The following GNAQ variants were observed in gnomAD, a reference collection of about 807,000 sequenced individuals.
GNAQ encodes guanine nucleotide-binding protein G(q) subunit alpha.
In GNAQ, 8 loss-of-function variants were observed where a neutral mutation model predicts 43.9. The observed-to-expected ratio is 0.18, with a 90% CI of 0.11 to 0.33. The LOEUF is 0.33. Among genes scored for constraint, GNAQ ranks in the 10% least tolerant of loss-of-function variants. GNAQ has a pLI of 1.00. For synonymous variants in GNAQ, 155 were observed against 170.7 expected (o/e 0.91, Z 0.71); for missense variants, 158 against 450.8 (o/e 0.35, Z 5.88).
chr9:77,874,829 C>T (rs974937359), intron 2 of GNAQ, among the ~76,000 whole-genome samples: 1 of 151,998 alleles, frequency 6.6e-6, no homozygotes, highest in Admixed American at 6.6e-5. Flanking sequence ...CCATGTTGGA[C>T]AGGCTAGTCT....
chr9:77,763,843 A>G (rs1826093112), intron 5 of GNAQ, among the ~76,000 whole-genome samples: 1 of 152,226 alleles, frequency 6.6e-6, no homozygotes, highest in Non-Finnish European at 1.5e-5. Flanking sequence ...TCTGTAAATG[A>G]TTAGCATGGC....
rs538496263 is a variant in GNAQ at position 77,755,288 on chromosome 9, C to G, written c.736-26621G>C. ...GGTACAAAAATATAGTTAGATAAAACGAATAAGATCTAGTATTTGATAGCA... is the reference window on the plus strand; with the variant it reads ...GGTACAAAAATATAGTTAGATAAAAGGAATAAGATCTAGTATTTGATAGCA... On this transcript the variant is annotated intron_variant, in intron 5 of 6. Coordinates refer to ENST00000286548, the MANE Select transcript of GNAQ (RefSeq NM_002072.5). Among the ~76,000 whole-genome samples, 3 of 151,858 alleles carry G rather than the reference C, an allele frequency of 2.0e-5. No individual in the cohort carries two copies. In the South Asian group the frequency reaches 6.2e-4, roughly 32 times the overall value.
intron 1 of GNAQ, among the ~76,000 whole-genome samples, chr9:77,951,183 C>T (rs1822971431): frequency 1.3e-5 from 2 of 149,588 alleles, no homozygotes; most frequent in Admixed American, 1.3e-4. Context: ...CTGCAACCTC[C>T]ACCTCCTGGG....
intron 5 of GNAQ, among the ~76,000 whole-genome samples, chr9:77,779,598 GA>G (rs1315924501): frequency 7.6e-6 from 1 of 131,048 alleles, no homozygotes; most frequent in African/African-American, 2.9e-5. Flanking sequence ...GAAATCAACA[GA>G]AGAAAATGAA....
chr9:77,937,617 G>T (rs1829250303), intron 1 of GNAQ, among the ~76,000 whole-genome samples: 1 of 151,850 alleles, frequency 6.6e-6, no homozygotes, highest in Non-Finnish European at 1.5e-5. Context: ...GCTTGGCCGG[G>T]CACAGTGGCT....
intron 6 of GNAQ, among the ~76,000 whole-genome samples, chr9:77,723,523 T>A (rs115457851): frequency 0.012 from 1,884 of 152,236 alleles, 40 homozygotes; most frequent in African/African-American, 0.042. Context: ...ACAATCCAAG[T>A]GTCCATCAAC....
At chr9:77,949,089 A>T in intron 1 of GNAQ, among the ~76,000 whole-genome samples, 1 of 152,192 alleles carries the variant, frequency 6.6e-6, no homozygotes, top group East Asian at 1.9e-4. Context: ...ACAGACAGAA[A>T]ATTCATATTA....
intron 5 of GNAQ, among the ~76,000 whole-genome samples, chr9:77,736,205 C>T (rs145946201): frequency 5.9e-5 from 9 of 152,274 alleles, no homozygotes; most frequent in Admixed American, 5.9e-4. Context: ...AATGTTTCTT[C>T]CTAAGATTCT....
chr9:77,892,444 G>A (rs1479401816), intron 2 of GNAQ, among the ~76,000 whole-genome samples: 1 of 152,134 alleles, frequency 6.6e-6, no homozygotes, highest in Non-Finnish European at 1.5e-5. Context: ...GTTCAATACT[G>A]GTTTCTATCA....
chr9:77,830,793 T>C (rs1196633518), intron 2 of GNAQ, among the ~76,000 whole-genome samples: 1 of 152,100 alleles, frequency 6.6e-6, no homozygotes, highest in African/African-American at 2.4e-5. Flanking sequence ...TATGTTTCCA[T>C]TGTGGTATGA....
chr9:77,755,303 A>G (rs1401188216), intron 5 of GNAQ, among the ~76,000 whole-genome samples: 3 of 152,216 alleles, frequency 2.0e-5, no homozygotes, highest in Non-Finnish European at 2.9e-5. Context: ...AAGATCTAGT[A>G]TTTGATAGCA....
intron 5 of GNAQ, among the ~76,000 whole-genome samples, chr9:77,736,420 T>C (rs1027586440): frequency 6.6e-6 from 1 of 152,176 alleles, no homozygotes; most frequent in African/African-American, 2.4e-5. Context: ...CTCAGCTGAA[T>C]AGATATTATT....
At chr9:77,729,622 G>T (rs1825454811) in intron 5 of GNAQ, among the ~76,000 whole-genome samples, 1 of 152,148 alleles carries the variant, frequency 6.6e-6, no homozygotes, top group African/African-American at 2.4e-5. Flanking sequence ...GGTTACAGAT[G>T]AAGGCAGCAG....
intron 2 of GNAQ, among the ~76,000 whole-genome samples, chr9:77,894,249 T>G (rs370753738): frequency 8.6e-6 from 1 of 116,158 alleles, no homozygotes; most frequent in Non-Finnish European, 1.9e-5. Flanking sequence ...ATTTTAAATG[T>G]TTCATTTAAG....
chr9:77,828,810 G>A (rs1429597100), intron 2 of GNAQ, among the ~76,000 whole-genome samples: 1 of 152,182 alleles, frequency 6.6e-6, no homozygotes, highest in African/African-American at 2.4e-5. Context: ...TATGGTCTAG[G>A]ACCAGTCTCT....
chr9:77,742,833 G>A (rs1300070460), intron 5 of GNAQ, among the ~76,000 whole-genome samples: 1 of 152,154 alleles, frequency 6.6e-6, no homozygotes, highest in Non-Finnish European at 1.5e-5. Context: ...AGACCTGAGG[G>A]AAAACCTGGA....
chr9:77,758,550 T>C (rs1825939113), intron 5 of GNAQ, among the ~76,000 whole-genome samples: 1 of 152,190 alleles, frequency 6.6e-6, no homozygotes, highest in Non-Finnish European at 1.5e-5. Flanking sequence ...CATCAAAATA[T>C]ATACAAAGTA....
chr9:77,908,689 C>T (rs559907598), intron 2 of GNAQ, among the ~76,000 whole-genome samples: 1 of 152,274 alleles, frequency 6.6e-6, no homozygotes, highest in African/African-American at 2.4e-5. Context: ...TGGCCAAAAT[C>T]CTATTGAAGT....
chr9:77,882,958 C>T (rs896757163), intron 2 of GNAQ, among the ~76,000 whole-genome samples: 4 of 152,094 alleles, frequency 2.6e-5, no homozygotes, highest in African/African-American at 9.7e-5. Flanking sequence ...ACACATATAT[C>T]AAAGCCATGT....
Sources: gnomAD v4.1 joint callset for allele counts (sites outside exome capture counted in the v4.1 genomes callset) on GRCh38, gnomAD v4.1.1 for gene constraint, MANE v1.5 for transcripts, NCBI Gene and HGNC (gene_info 2026-07-23, HGNC 2026-07-21) for gene names.